UNK: variants seen among roughly 807,000 people sequenced by gnomAD.
The protein encoded by UNK is unk zinc finger.
Under a neutral mutation model 97.6 loss-of-function variants are expected in UNK, and 32 were observed. The observed-to-expected ratio is 0.33, with a 90% CI of 0.25 to 0.44. UNK has a LOEUF of 0.44. Among genes scored for constraint, UNK ranks in the 20% least tolerant of loss-of-function variants. UNK has a pLI of 1.00. For synonymous variants in UNK, 441 were observed against 461.2 expected, an observed-to-expected ratio of 0.96 and a Z score of 0.56; for missense variants, 771 against 1,098.4, an observed-to-expected ratio of 0.70 and a Z score of 4.21.
intron 7 of UNK, among the ~76,000 whole-genome samples, chr17:75,815,903 AAAATT>A (rs898606603): frequency 2.0e-5 from 3 of 152,018 alleles, no homozygotes; most frequent in African/African-American, 7.2e-5. Context: ...AAAAAAAAAA[AAAATT>A]AAAAAAGAAT....
At chr17:75,805,515 C>T (rs555297139) in intron 1 of UNK, among the ~76,000 whole-genome samples, 3 of 152,134 alleles carry the variant, frequency 2.0e-5, no homozygotes, top group African/African-American at 7.2e-5. Flanking sequence ...TCATTACAGG[C>T]CAGGTGTGGT....
rs116727751 is a variant in UNK at position 75,791,961 on chromosome 17, G to T, written c.104+6977G>T. The T allele has an allele frequency of 8.7e-5, 86 of 985,284 alleles. No individual in the cohort carries two copies. The African/African-American group carries it at 1.4e-3, about 16-fold the overall frequency. 61.0% of individuals were successfully genotyped at this position (985,284 alleles called of 1,614,324 possible). On this transcript the variant is annotated intron_variant, in intron 1 of 15. Coordinates refer to ENST00000589666, the MANE Select transcript of UNK (RefSeq NM_001080419.3). ...TAGCACCCCAGATAAGTGCACAAAAGCAAGATACCCTCGTGGACCTACACG... is the reference window on the plus strand; with the variant it reads ...TAGCACCCCAGATAAGTGCACAAAATCAAGATACCCTCGTGGACCTACACG...
At chr17:75,813,615 C>A in intron 5 of UNK, 146 bp from the exon 6 acceptor site, 1 of 702,374 alleles carries the variant, frequency 1.4e-6, no homozygotes, top group South Asian at 1.9e-5. Context: ...AAGAGCTTGG[C>A]TTGTGGCACC....
chr17:75,798,711 A>G (rs756152738), intron 1 of UNK, among the ~76,000 whole-genome samples: 9 of 151,574 alleles, frequency 5.9e-5, no homozygotes, highest in South Asian at 2.1e-4. Flanking sequence ...AGAAACAGGA[A>G]TTAATCTGTA....
intron 6 of UNK, 28 bp downstream of exon 6, chr17:75,813,906 G>A (rs2061993288): frequency 1.3e-6 from 2 of 1,538,156 alleles, no homozygotes; most frequent in East Asian, 4.9e-5. Flanking sequence ...GTGGGGGGGT[G>A]GCTTTGGGAA....
chr17:75,821,744 C>T (rs781487019), intron 13 of UNK: 17 of 456,274 alleles, frequency 3.7e-5, no homozygotes, highest in East Asian at 3.5e-4. Flanking sequence ...CTCGGAAGCC[C>T]GGGGCTGCCC....
At position 75,816,948 on chromosome 17, in the gene UNK, G is replaced by T; in HGVS notation, c.1104+36G>T. 1 of 1,576,160 alleles carries T rather than the reference G, an allele frequency of 6.3e-7. No individual in the cohort carries two copies. Among genetic ancestry groups the T allele is most frequent in the Non-Finnish European group, 8.6e-7 (1 of 1,166,974 alleles). On this transcript the variant is annotated intron_variant, in intron 8 of 15. Coordinates refer to ENST00000589666, the MANE Select transcript of UNK (RefSeq NM_001080419.3). The surrounding 1 kb of genome is among the most constrained non-coding windows in gnomAD (Gnocchi z 4.0). ...ATCCTGGGGAGTGGGTGGGCACCAT[G>T]CCTGACAGAGCCAATACTTGCCTCC... is the stretch of plus-strand genomic sequence containing the variant.
intron 13 of UNK, 96 bp from the exon 14 acceptor site, chr17:75,822,381 A>G (rs2062076775): frequency 7.0e-7 from 1 of 1,420,188 alleles, no homozygotes; most frequent in East Asian, 2.4e-5. Flanking sequence ...ACACCCATCC[A>G]GTGGACAGCC....
intron 1 of UNK, 138 bp downstream of exon 1, chr17:75,785,122 A>C: frequency 7.2e-6 from 4 of 558,554 alleles, no homozygotes; most frequent in Non-Finnish European, 9.2e-6. Flanking sequence ...ACCGGTTCCA[A>C]CCTGCTGGGG....
chr17:75,798,982 TGCAAACCCAGGAG>T (rs2061831805), intron 1 of UNK, among the ~76,000 whole-genome samples: 1 of 150,062 alleles, frequency 6.7e-6, no homozygotes, highest in Non-Finnish European at 1.5e-5. Context: ...AGGAGAATGG[TGCAAACCCAGGAG>T]GCGGAGCTTG....
At chr17:75,786,644 C>T (rs2061714183) in intron 1 of UNK, among the ~76,000 whole-genome samples, 1 of 152,088 alleles carries the variant, frequency 6.6e-6, no homozygotes, top group Non-Finnish European at 1.5e-5. Flanking sequence ...CGCATGAGGT[C>T]AGGAGTGAAG....
intron 1 of UNK, among the ~76,000 whole-genome samples, chr17:75,795,583 G>T (rs1378186098): frequency 6.6e-6 from 1 of 152,102 alleles, no homozygotes; most frequent in Non-Finnish European, 1.5e-5. Context: ...CGAGTGATCT[G>T]CCCGTCTTGA....
At chr17:75,797,777 G>C (rs933384329) in intron 1 of UNK, among the ~76,000 whole-genome samples, 2 of 152,248 alleles carry the variant, frequency 1.3e-5, no homozygotes, top group African/African-American at 2.4e-5. Flanking sequence ...AGGCTGAGGG[G>C]CATCCAGAGT....
In UNK at chr17:75,824,828, TC is replaced by T. The variant is rs990544953; in HGVS notation, c.*413del. 3.3e-5 allele frequency: 5 copies of T among 152,282 alleles called. No homozygotes were observed. The highest frequency in any genetic ancestry group is 5.9e-5 in the Non-Finnish European group (4 of 68,058). 9.4% of individuals were successfully genotyped at this position (152,282 alleles called of 1,614,324 possible). On this transcript the variant is annotated 3_prime_UTR_variant, in exon 16 of 16. Transcript: ENST00000589666. The surrounding 1 kb of genome is among the most constrained non-coding windows in gnomAD (Gnocchi z 4.9). ...TAGGAACTAACTATTTTTAACTTCT[TC>T]CTGGGGCCTGAGCAGGGAAGGGTGG...
intron 2 of UNK, among the ~76,000 whole-genome samples, chr17:75,810,926 A>G (rs1227850762): frequency 6.7e-6 from 1 of 148,926 alleles, no homozygotes; most frequent in Admixed American, 6.7e-5. Context: ...AGGAGCCACT[A>G]TGCCCGGCTT....
chr17:75,800,800 T>G (rs1207792761), intron 1 of UNK, among the ~76,000 whole-genome samples: 1 of 152,098 alleles, frequency 6.6e-6, no homozygotes, highest in Non-Finnish European at 1.5e-5. Flanking sequence ...TTCTCTGTTG[T>G]CTTGGCTGCT....
chr17:75,818,260 T>C lies in UNK; in HGVS notation c.1371+92T>C, dbSNP rs576947631. ...CTTCGGGGAGTGGGAGGCACCACTT[T>C]TCCCAAAAGCTGAGGGCAGGACTAA... is the stretch of plus-strand genomic sequence containing the variant. On this transcript the variant is annotated intron_variant, in intron 10 of 15. Coordinates refer to ENST00000589666, the MANE Select transcript of UNK (RefSeq NM_001080419.3). This position sits in a 1 kb window ranked among gnomAD's most constrained non-coding sequence, Gnocchi z 5.1. 3,652 of 1,439,100 alleles carry C rather than the reference T, an allele frequency of 2.5e-3. 7 individuals are homozygous for C. Among genetic ancestry groups the C allele is most frequent in the Non-Finnish European group, 3.2e-3 (3,334 of 1,044,302 alleles). 89.1% of individuals were successfully genotyped at this position (1,439,100 alleles called of 1,614,324 possible).
chr17:75,784,994 GCCCC>G lies in UNK; in HGVS notation c.104+20_104+23del, dbSNP rs11335367. The G allele has an allele frequency of 5.5e-5, 59 of 1,074,120 alleles. No individual in the cohort carries two copies. Among genetic ancestry groups the G allele is most frequent in the Non-Finnish European group, 6.8e-5 (56 of 818,982 alleles). 66.5% of individuals were successfully genotyped at this position (1,074,120 alleles called of 1,614,324 possible). A position where few individuals can be genotyped will look rare whatever the true frequency, so the allele number is the denominator to read the frequency against. ...AACCGCAGCACTACACGTACGTAGA[GCCCC>G]CCCCCCCCCGCCGCGCGCGCACGCC... On this transcript the variant is annotated intron_variant, in intron 1 of 15. Transcript: ENST00000589666.
Position 75,818,806 on chromosome 17 carries a change from G to A in UNK, c.1536G>A (p.Glu512=). The change falls in exon 11 of 16, where the codon GAG becomes GAA. Residue 512 remains glutamate, a synonymous_variant. Transcript: ENST00000589666. This position sits in a 1 kb window ranked among gnomAD's most constrained non-coding sequence, Gnocchi z 5.1. ...LPFYPTSDTV[E]SVIESALDDL... is the part of the protein sequence containing the mutation. ...TCTACCCCACCAGCGACACGGTAGA[G>A]TCAGTCATAGGTAACTAGGCCATTT... 1 of 1,604,894 alleles carries A rather than the reference G, an allele frequency of 6.2e-7. No homozygotes were observed.
Sources: allele counts gnomAD v4.1 joint callset (sites outside exome capture counted in the v4.1 genomes callset), GRCh38; gene constraint gnomAD v4.1.1; non-coding constraint Gnocchi (gnomAD v3.1); transcripts MANE v1.5; gene names NCBI Gene and HGNC (gene_info 2026-07-23, HGNC 2026-07-21).